The following CDH7 variants were observed in gnomAD, a reference collection of about 807,000 sequenced individuals.
CDH7 encodes cadherin 7, also known as cadherin-7.
In CDH7, 25 loss-of-function variants were observed where a neutral mutation model predicts 71.8. The ratio of observed to expected loss-of-function variants is 0.35; its 90% CI spans 0.25 to 0.49. The LOEUF (loss-of-function observed/expected upper bound fraction) is 0.49, where lower values mean the gene tolerates loss of function less well. Ranked by LOEUF, CDH7 falls within the 20% of genes least tolerant of loss-of-function variation. The probability of loss-of-function intolerance (pLI) is 0.99; values close to 1 mark genes in which losing one functional copy is unlikely to be tolerated. For missense variants in CDH7, 862 were observed against 974.6 expected (o/e 0.88, Z 1.54); for synonymous variants, 381 against 363.8 (o/e 1.05, Z -0.54).
At chr18:65,840,453 A>G (rs1488137034) in intron 6 of CDH7, among the ~76,000 whole-genome samples, 1 of 151,988 alleles carries the variant, frequency 6.6e-6, no homozygotes, top group Non-Finnish European at 1.5e-5. Context: ...ATGCACTTAT[A>G]TGTATGATAT....
At chr18:65,794,757 G>C (rs1046578579) in intron 2 of CDH7, among the ~76,000 whole-genome samples, 2 of 152,080 alleles carry the variant, frequency 1.3e-5, no homozygotes, top group African/African-American at 4.8e-5. Flanking sequence ...GGGCGGTGTG[G>C]GGGGTGAGAA....
intron 7 of CDH7, among the ~76,000 whole-genome samples, chr18:65,849,386 TTTCTTTTCTTTTC>T (rs1189956027): frequency 5.9e-5 from 8 of 134,930 alleles, no homozygotes; most frequent in African/African-American, 2.2e-4. Context: ...TTTCTTTTCT[TTTCTTTTCTTTTC>T]TTTTCTTTTC....
chr18:65,850,937 C>T (rs549490615), intron 7 of CDH7, among the ~76,000 whole-genome samples: 5 of 151,730 alleles, frequency 3.3e-5, no homozygotes, highest in South Asian at 2.1e-4. Flanking sequence ...TCAGCCTCCC[C>T]AGCAACTAGG....
At chr18:65,781,852 T>TTCTCTCTCTCTCTGTCTCTCTCTC (rs1329855760) in intron 2 of CDH7, among the ~76,000 whole-genome samples, 2 of 87,866 alleles carry the variant, frequency 2.3e-5, no homozygotes, top group African/African-American at 1.7e-4. Flanking sequence ...CTTTCTTTCT[T>TTCTCTCTCTCTCTGTCTCTCTCTC]TCTTTCTTTC....
Position 65,887,132 on chromosome 18 carries a change from A to G in CDH7, c.*6238A>G, listed in dbSNP as rs1914391892. ...GATGTTAATGGTTTATATAAGCAGG[A>G]AAAACTTATATGATTCACTACCCTA... On this transcript the variant is annotated 3_prime_UTR_variant, in exon 12 of 12. Coordinates refer to ENST00000397968, the MANE Select transcript of CDH7 (RefSeq NM_004361.5). 6.6e-6 allele frequency: 1 copy of G among 152,170 alleles called. No homozygotes were observed. The highest frequency in any genetic ancestry group is 1.5e-5 in the Non-Finnish European group (1 of 68,012). 9.4% of individuals were successfully genotyped at this position (152,170 alleles called of 1,614,324 possible).
chr18:65,787,436 A>G (rs1344555410), intron 2 of CDH7, among the ~76,000 whole-genome samples: 1 of 152,174 alleles, frequency 6.6e-6, no homozygotes, highest in Non-Finnish European at 1.5e-5. Context: ...CACTTATTCT[A>G]CAAGATTCAA....
intron 2 of CDH7, among the ~76,000 whole-genome samples, chr18:65,789,507 G>T (rs2143853863): frequency 6.6e-6 from 1 of 151,612 alleles, no homozygotes; most frequent in East Asian, 1.9e-4. Context: ...ATAAGTTTGA[G>T]GATGGTTCTG....
At chr18:65,799,665 G>T (rs561666598) in intron 2 of CDH7, among the ~76,000 whole-genome samples, 232 of 151,504 alleles carry the variant, frequency 1.5e-3, no homozygotes, top group South Asian at 2.7e-3. Flanking sequence ...GACAGAGCGA[G>T]ACTCTGTGTC....
intron 2 of CDH7, among the ~76,000 whole-genome samples, chr18:65,778,712 TAATA>T (rs1230821665): frequency 2.6e-5 from 4 of 151,394 alleles, no homozygotes; most frequent in African/African-American, 7.3e-5. Flanking sequence ...GTTTATTTCA[TAATA>T]AATAAATACA....
intron 2 of CDH7, among the ~76,000 whole-genome samples, chr18:65,778,295 A>C (rs919698654): frequency 6.6e-6 from 1 of 150,876 alleles, no homozygotes; most frequent in Admixed American, 6.6e-5. Context: ...AAAAAAAAAA[A>C]AAAAAACCTA....
intron 2 of CDH7, among the ~76,000 whole-genome samples, chr18:65,800,219 A>G (rs1213017555): frequency 2.0e-5 from 3 of 152,082 alleles, no homozygotes; most frequent in Non-Finnish European, 2.9e-5. Flanking sequence ...AGCTGGGACT[A>G]CAGGTGCGTG....
At chr18:65,785,181 T>G (rs981243050) in intron 2 of CDH7, among the ~76,000 whole-genome samples, 1 of 152,100 alleles carries the variant, frequency 6.6e-6, no homozygotes, top group Non-Finnish European at 1.5e-5. Context: ...ATGAAACTGA[T>G]TATTAGAGAA....
chr18:65,762,982 G>A lies in CDH7; in HGVS notation c.140G>A (p.Arg47His), dbSNP rs1261284060. The A allele has an allele frequency of 1.2e-6, 2 of 1,613,466 alleles. No individual in the cohort carries two copies. Among genetic ancestry groups the A allele is most frequent in the Non-Finnish European group, 1.7e-6 (2 of 1,179,778 alleles). ...YFQSGRSRTK[R>H]SWVWNQFFVL... ...CAATCAGGGAGGTCCCGGACCAAGC[G>A]CAGCTGGGTGTGGAATCAGTTCTTT... Residue 47 changes from arginine (R) to histidine (H), a missense_variant, in exon 2 of 12, where the codon CGC (arginine) becomes CAC (histidine). By Grantham distance (29) the Arg-to-His change is conservative. Coordinates refer to ENST00000397968, the MANE Select transcript of CDH7 (RefSeq NM_004361.5).
At chr18:65,808,698 T>C (rs919202352) in intron 2 of CDH7, among the ~76,000 whole-genome samples, 4 of 152,178 alleles carry the variant, frequency 2.6e-5, no homozygotes, top group African/African-American at 9.7e-5. Context: ...TCATATGTTA[T>C]ATATCTTTAG....
intron 7 of CDH7, among the ~76,000 whole-genome samples, chr18:65,845,908 T>C (rs1011809631): frequency 4.6e-5 from 7 of 151,904 alleles, no homozygotes; most frequent in Non-Finnish European, 1.0e-4. Context: ...CACTCCAGCC[T>C]GGACAACATA....
At chr18:65,764,535 G>A (rs973798891) in intron 2 of CDH7, among the ~76,000 whole-genome samples, 2 of 151,964 alleles carry the variant, frequency 1.3e-5, no homozygotes, top group African/African-American at 2.4e-5. Flanking sequence ...AAGAAATTGA[G>A]AGGAGTAACC....
At chr18:65,794,860 T>C (rs1271769594) in intron 2 of CDH7, among the ~76,000 whole-genome samples, 3 of 152,108 alleles carry the variant, frequency 2.0e-5, no homozygotes, top group Non-Finnish European at 4.4e-5. Context: ...ATCATAGTTT[T>C]CTCATGTATA....
At chr18:65,822,850 C>A (rs62086419) in intron 5 of CDH7, among the ~76,000 whole-genome samples, 3,521 of 151,574 alleles carry the variant, frequency 0.023, 60 homozygotes, top group Non-Finnish European at 0.04. Flanking sequence ...ACCAAAGGGG[C>A]TTTTAACTTA....
chr18:65,761,433 G>A (rs1447362310), intron 1 of CDH7, among the ~76,000 whole-genome samples: 1 of 151,668 alleles, frequency 6.6e-6, no homozygotes, highest in Non-Finnish European at 1.5e-5. Flanking sequence ...AGAAGGGACA[G>A]GTAGAAAGAC....
Sources: gnomAD v4.1 joint callset for allele counts (sites outside exome capture counted in the v4.1 genomes callset) on GRCh38, gnomAD v4.1.1 for gene constraint, MANE v1.5 for transcripts, NCBI Gene and HGNC (gene_info 2026-07-23, HGNC 2026-07-21) for gene names.